The following SCAPER variants were observed in gnomAD, a reference collection of about 807,000 sequenced individuals.
The protein encoded by SCAPER is S-phase cyclin A associated protein in the ER.
A neutral mutation model predicts 182.2 loss-of-function variants in SCAPER; 98 were observed. The observed-to-expected ratio is 0.54, with a 90% CI of 0.46 to 0.64. The LOEUF (loss-of-function observed/expected upper bound fraction) is 0.64. Among genes scored for constraint, SCAPER ranks in the 30% least tolerant of loss-of-function variants. SCAPER has a pLI of 0.00. For missense variants in SCAPER, 1,432 were observed against 1,690.0 expected (o/e 0.85, Z 2.68); for synonymous variants, 605 against 564.6 (o/e 1.07, Z -1.01).
chr15:76,728,193 C>G (rs1242740895), intron 17 of SCAPER, among the ~76,000 whole-genome samples: 1 of 145,242 alleles, frequency 6.9e-6, no homozygotes, highest in South Asian at 2.2e-4. Context: ...AGAGTGGCAA[C>G]ATGCTGACCA....
At chr15:76,404,994 A>G (rs1037885358) in intron 26 of SCAPER, among the ~76,000 whole-genome samples, 1 of 152,154 alleles carries the variant, frequency 6.6e-6, no homozygotes, top group African/African-American at 2.4e-5. Flanking sequence ...ATGATTTATA[A>G]TGACCTTTAT....
intron 23 of SCAPER, among the ~76,000 whole-genome samples, chr15:76,523,092 G>A (rs931980325): frequency 6.6e-6 from 1 of 151,844 alleles, no homozygotes; most frequent in East Asian, 1.9e-4. Context: ...CTCTCATGAA[G>A]TATTCATGTC....
intron 21 of SCAPER, among the ~76,000 whole-genome samples, chr15:76,645,637 C>T (rs972485568): frequency 1.3e-5 from 2 of 151,910 alleles, no homozygotes; most frequent in Non-Finnish European, 2.9e-5. Flanking sequence ...TGGAATTAAC[C>T]TAATACTTAT....
intron 22 of SCAPER, among the ~76,000 whole-genome samples, chr15:76,612,299 G>A (rs924761319): frequency 2.0e-5 from 3 of 152,096 alleles, no homozygotes; most frequent in African/African-American, 7.2e-5. Flanking sequence ...GTGCAGTAGT[G>A]CAATTTCGGC....
chr15:76,570,307 C>T (rs1473644016), intron 23 of SCAPER, among the ~76,000 whole-genome samples: 1 of 151,986 alleles, frequency 6.6e-6, no homozygotes. Flanking sequence ...CATTGATTGT[C>T]CTAGATGCCA....
intron 9 of SCAPER, chr15:76,774,434 AC>A (rs1313975207): frequency 2.6e-6 from 1 of 383,190 alleles, no homozygotes; most frequent in Non-Finnish European, 5.0e-6. Flanking sequence ...TATTGGGAAA[AC>A]TAAAACACTT....
intron 22 of SCAPER, among the ~76,000 whole-genome samples, chr15:76,590,672 C>G (rs974245200): frequency 2.0e-5 from 3 of 152,172 alleles, no homozygotes; most frequent in African/African-American, 7.2e-5. Flanking sequence ...TTTGATCCAG[C>G]AATCCCACTA....
At chr15:76,635,587 T>C (rs1421284169) in intron 21 of SCAPER, among the ~76,000 whole-genome samples, 1 of 152,188 alleles carries the variant, frequency 6.6e-6, no homozygotes, top group Non-Finnish European at 1.5e-5. Flanking sequence ...CTAGAAATTC[T>C]ATTACAACAA....
In SCAPER at chr15:76,738,210, C is replaced by A. The variant is rs917266300; in HGVS notation, c.1867-4826G>T. ...GCTGGAGTGCAGTGGCTCACTGCAG[C>A]CTCACACTCCTGAGCTCAAGTGATT... On this transcript the variant is annotated intron_variant, in intron 15 of 31. Coordinates refer to ENST00000563290, the MANE Select transcript of SCAPER (RefSeq NM_020843.4). Among the ~76,000 whole-genome samples, 3 of 151,976 alleles carry A rather than the reference C, an allele frequency of 2.0e-5. No individual in the cohort carries two copies. The South Asian group carries it at 6.2e-4, about 32-fold the overall frequency.
In SCAPER at chr15:76,567,486, T is replaced by C. The variant is rs148324255; in HGVS notation, c.2838+6672A>G. ...TTTGCTACATGGTAGGCTCAACTTA[T>C]GTTATCACAAACATTGTCTGTATGT... On this transcript the variant is annotated intron_variant, in intron 23 of 31. Coordinates refer to ENST00000563290, the MANE Select transcript of SCAPER (RefSeq NM_020843.4). 6.6e-5 allele frequency: 22 copies of C among 334,794 alleles called. No homozygotes were observed. In the East Asian group the frequency reaches 1.1e-3, roughly 17 times the overall value. The allele number at this position is 334,794 out of a possible 1,614,324, so 20.7% of individuals were successfully genotyped here.
In SCAPER at chr15:76,813,688, A is replaced by AT. The variant is rs201440318; in HGVS notation, c.394-9056dup. Among the ~76,000 whole-genome samples the AT allele has an allele frequency of 3.1e-4, 47 of 152,322 alleles. 1 individual carries two copies. In the East Asian group the frequency reaches 6.2e-3, roughly 20 times the overall value. On this transcript the variant is annotated intron_variant, in intron 5 of 31. Coordinates refer to ENST00000563290, the MANE Select transcript of SCAPER (RefSeq NM_020843.4). ...CAATAACAATCTATGTTAAAAAGAA[A>AT]TTTTCAAAATCCTATTTATAATAGC...
At chr15:76,756,577 TA>T (rs575066960) in intron 14 of SCAPER, among the ~76,000 whole-genome samples, 23 of 147,712 alleles carry the variant, frequency 1.6e-4, no homozygotes, top group Admixed American at 4.7e-4. Context: ...TCCCTGACTC[TA>T]AAAAAAAAAC....
chr15:76,833,425 A>C (rs189092581), intron 5 of SCAPER, among the ~76,000 whole-genome samples: 14 of 152,322 alleles, frequency 9.2e-5, no homozygotes, highest in Non-Finnish European at 2.9e-5. Context: ...ATAAGAGCCC[A>C]CTGACACGAA....
intron 21 of SCAPER, among the ~76,000 whole-genome samples, chr15:76,665,346 G>GA (rs952533871): frequency 6.6e-6 from 1 of 152,132 alleles, no homozygotes; most frequent in Admixed American, 6.6e-5. Flanking sequence ...TCAATAGTTG[G>GA]AAAGAAAAAT....
chr15:76,837,611 G>A (rs531201548), intron 5 of SCAPER, among the ~76,000 whole-genome samples: 1 of 152,300 alleles, frequency 6.6e-6, no homozygotes, highest in Non-Finnish European at 1.5e-5. Context: ...AATTCAAGAT[G>A]AGATTTGGGT....
At chr15:76,773,133 A>C (rs1015937265) in intron 9 of SCAPER, among the ~76,000 whole-genome samples, 1 of 151,904 alleles carries the variant, frequency 6.6e-6, no homozygotes, top group African/African-American at 2.4e-5. Flanking sequence ...AGCATTACTT[A>C]TGTGTACACT....
chr15:76,660,711 T>C (rs1414702965), intron 21 of SCAPER, among the ~76,000 whole-genome samples: 1 of 152,124 alleles, frequency 6.6e-6, no homozygotes, highest in Non-Finnish European at 1.5e-5. Context: ...TGTTCTGTAT[T>C]TTACTGAGGG....
intron 8 of SCAPER, among the ~76,000 whole-genome samples, chr15:76,785,885 G>T (rs1348781736): frequency 3.9e-5 from 6 of 152,082 alleles, no homozygotes; most frequent in African/African-American, 1.4e-4. Flanking sequence ...GTGGGGTGAG[G>T]GACTGTGGGA....
chr15:76,554,514 C>T (rs953802304), intron 23 of SCAPER, among the ~76,000 whole-genome samples: 2 of 152,124 alleles, frequency 1.3e-5, no homozygotes, highest in Non-Finnish European at 2.9e-5. Context: ...AGATGACCAT[C>T]CCTCAAGACA....
Sources: allele counts gnomAD v4.1 joint callset (sites outside exome capture counted in the v4.1 genomes callset), GRCh38; gene constraint gnomAD v4.1.1; transcripts MANE v1.5; gene names NCBI Gene and HGNC (gene_info 2026-07-23, HGNC 2026-07-21).